STK32A: variants seen among roughly 807,000 people sequenced by gnomAD.
STK32A encodes the protein serine/threonine kinase 32A, also known as serine/threonine-protein kinase 32A.
A neutral mutation model predicts 53.2 loss-of-function variants in STK32A; 41 were observed. The observed-to-expected ratio is 0.77, with a 90% CI of 0.60 to 1.00. The LOEUF is 1.00. STK32A is among the 50% of genes least tolerant of loss of function. The pLI is 0.00. For synonymous variants in STK32A, 166 were observed against 162.8 expected (o/e 1.02, Z -0.15); for missense variants, 458 against 485.8 (o/e 0.94, Z 0.54).
chr5:147,235,534 T>C (rs551821047), intron 1 of STK32A, among the ~76,000 whole-genome samples: 3 of 152,258 alleles, frequency 2.0e-5, no homozygotes, highest in African/African-American at 7.2e-5. Context: ...AAGGACTTTT[T>C]CCCCCAGGAC....
intron 5 of STK32A, among the ~76,000 whole-genome samples, chr5:147,332,475 T>A (rs1250156281): frequency 6.6e-6 from 1 of 152,148 alleles, no homozygotes; most frequent in East Asian, 1.9e-4. Flanking sequence ...ATTTAAAGTC[T>A]AAAAATTATC....
At chr5:147,254,848 G>A (rs1406773992) in intron 2 of STK32A, among the ~76,000 whole-genome samples, 1 of 152,158 alleles carries the variant, frequency 6.6e-6, no homozygotes, top group Admixed American at 6.5e-5. Flanking sequence ...ACGTTTAAAA[G>A]TAGAAGGCAG....
At chr5:147,258,893 A>C (rs1754358967) in intron 2 of STK32A, among the ~76,000 whole-genome samples, 1 of 152,148 alleles carries the variant, frequency 6.6e-6, no homozygotes, top group Admixed American at 6.5e-5. Context: ...AGTCAAAATT[A>C]ACTCAGAATT....
intron 6 of STK32A, among the ~76,000 whole-genome samples, chr5:147,345,883 C>A (rs750769023): frequency 1.3e-5 from 2 of 152,058 alleles, no homozygotes; most frequent in Admixed American, 1.3e-4. Context: ...TATATTCCTA[C>A]CCTGAACTCA....
chr5:147,325,564 T>G (rs1009547772), intron 5 of STK32A, among the ~76,000 whole-genome samples: 3 of 152,338 alleles, frequency 2.0e-5, no homozygotes, highest in Non-Finnish European at 2.9e-5. Context: ...TTTATTTTTT[T>G]GGGCCTTGGC....
intron 7 of STK32A, among the ~76,000 whole-genome samples, chr5:147,354,326 G>C (rs1756122241): frequency 6.6e-6 from 1 of 152,122 alleles, no homozygotes; most frequent in South Asian, 2.1e-4. Context: ...TATTTTCTTG[G>C]AACCAAATCA....
chr5:147,397,592 T>C, the STK32A span: 4 of 1,483,876 alleles, frequency 2.7e-6, no homozygotes, highest in Non-Finnish European at 2.8e-6. Flanking sequence ...GTGCCCTGTG[T>C]TCATGGTTAC....
intron 8 of STK32A, among the ~76,000 whole-genome samples, chr5:147,367,641 G>T (rs949561086): frequency 4.6e-5 from 7 of 152,170 alleles, no homozygotes; most frequent in African/African-American, 1.7e-4. Flanking sequence ...GGATGAGCCA[G>T]GAGAAGGAAT....
chr5:147,303,599 G>A (rs1737883934), intron 4 of STK32A, among the ~76,000 whole-genome samples: 1 of 152,124 alleles, frequency 6.6e-6, no homozygotes, highest in African/African-American at 2.4e-5. Flanking sequence ...CAAAAAGCCA[G>A]GCAGAGATAT....
intron 2 of STK32A, among the ~76,000 whole-genome samples, chr5:147,260,373 C>T (rs549292967): frequency 4.5e-4 from 68 of 151,710 alleles, no homozygotes; most frequent in Non-Finnish European, 9.0e-4. Flanking sequence ...CTTGCCTCTG[C>T]CAGCTGCTTA....
At position 147,316,692 on chromosome 5, in the gene STK32A, C is replaced by T. The variant is rs142070657; in HGVS notation, c.261-7206C>T. 6.4e-3 allele frequency among the ~76,000 whole-genome samples: 968 copies of T among 151,982 alleles called. 33 individuals carry two copies. Among genetic ancestry groups the T allele is most frequent in the Admixed American group, 0.053 (805 of 15,252 alleles). On this transcript the variant is annotated intron_variant, in intron 4 of 12. Coordinates refer to ENST00000397936, the MANE Select transcript of STK32A (RefSeq NM_001112724.2). Reference sequence around the variant, plus strand: ...GCAACATAGTAAGACCCCATCTCTACAAAAAATTAAAATATCAGCTGAGCA... The same window carrying T: ...GCAACATAGTAAGACCCCATCTCTATAAAAAATTAAAATATCAGCTGAGCA...
At chr5:147,395,749 T>A in the STK32A span, 1 of 1,611,150 alleles carries the variant, frequency 6.2e-7, no homozygotes. Context: ...CATGTCACCA[T>A]TCATTCATTC....
At chr5:147,235,795 G>A (rs1753287196) in intron 1 of STK32A, among the ~76,000 whole-genome samples, 2 of 152,172 alleles carry the variant, frequency 1.3e-5, no homozygotes, top group African/African-American at 4.8e-5. Context: ...GATTGTGGCT[G>A]TCTTTGGAAA....
At chr5:147,247,947 C>A (rs1345084096) in intron 2 of STK32A, among the ~76,000 whole-genome samples, 1 of 151,816 alleles carries the variant, frequency 6.6e-6, no homozygotes, top group African/African-American at 2.4e-5. Flanking sequence ...CATGGAGAAA[C>A]CCTGTCTATA....
At chr5:147,393,442 A>G in the STK32A span, 31 of 152,700 alleles carry the variant, frequency 2.0e-4, no homozygotes, top group African/African-American at 7.2e-4. Context: ...CAAAGAACAG[A>G]ACCCAAAGAC....
intron 6 of STK32A, among the ~76,000 whole-genome samples, chr5:147,348,159 A>G (rs1265557750): frequency 6.6e-6 from 1 of 152,216 alleles, no homozygotes; most frequent in African/African-American, 2.4e-5. Flanking sequence ...ACCTAGCCAT[A>G]AATGACTCAT....
chr5:147,239,953 T>C (rs1753494829), intron 2 of STK32A: 4 of 406,110 alleles, frequency 9.8e-6, no homozygotes, highest in Non-Finnish European at 1.8e-5. Flanking sequence ...TGGTGGATAG[T>C]TAAATGATTT....
intron 4 of STK32A, among the ~76,000 whole-genome samples, chr5:147,308,727 GTT>G (rs35290735): frequency 3.7e-4 from 54 of 144,304 alleles, no homozygotes; most frequent in African/African-American, 5.3e-4. Flanking sequence ...GTCACTAGAA[GTT>G]TTTTTTTTTT....
chr5:147,249,908 CAAAAAAAAAAAA>C (rs35848112), intron 2 of STK32A, among the ~76,000 whole-genome samples: 1 of 58,580 alleles, frequency 1.7e-5, no homozygotes, highest in Non-Finnish European at 3.0e-5. Flanking sequence ...GCCTCTGTCT[CAAAAAAAAAAAA>C]AAAAAAAAAA....
Sources: allele counts gnomAD v4.1 joint callset (sites outside exome capture counted in the v4.1 genomes callset), GRCh38; gene constraint gnomAD v4.1.1; transcripts MANE v1.5; gene names NCBI Gene and HGNC (gene_info 2026-07-23, HGNC 2026-07-21).